Variants in RBM47 observed in about 807,000 individuals in gnomAD.
RBM47 encodes RNA binding motif protein 47.
Under a neutral mutation model 47.1 loss-of-function variants are expected in RBM47, and 21 were observed. That is an observed-to-expected ratio of 0.45 (90% confidence interval 0.32 to 0.64). The LOEUF is 0.64. Ranked by LOEUF, RBM47 falls within the 30% of genes least tolerant of loss-of-function variation. The pLI, the probability that RBM47 is intolerant of heterozygous loss-of-function variation, is 0.05. For missense variants in RBM47, 708 were observed against 870.9 expected (o/e 0.81, Z 2.35); for synonymous variants, 375 against 361.7 (o/e 1.04, Z -0.42).
At chr4:40,569,046 GACAGATAGAT>G (rs1731419631) in intron 1 of RBM47, among the ~76,000 whole-genome samples, 1 of 149,140 alleles carries the variant, frequency 6.7e-6, no homozygotes, top group Non-Finnish European at 1.5e-5. Flanking sequence ...CAGACAGACA[GACAGATAGAT>G]AGATAGTATA....
At chr4:40,457,597 A>AT (rs1048888946) in intron 3 of RBM47, among the ~76,000 whole-genome samples, 8 of 150,918 alleles carry the variant, frequency 5.3e-5, no homozygotes, top group South Asian at 2.1e-4. Flanking sequence ...CGCCCAGCTA[A>AT]TTTTTTTTTG....
intron 2 of RBM47, among the ~76,000 whole-genome samples, chr4:40,468,947 G>A (rs2154234995): frequency 6.6e-6 from 1 of 152,284 alleles, no homozygotes; most frequent in Non-Finnish European, 1.5e-5. Context: ...GAAATTAATT[G>A]TACACTGTCT....
intron 1 of RBM47, among the ~76,000 whole-genome samples, chr4:40,599,812 T>C (rs889305903): frequency 6.6e-6 from 1 of 151,630 alleles, no homozygotes; most frequent in Admixed American, 6.6e-5. Flanking sequence ...GTAATGCACA[T>C]GTAGCAGAAT....
chr4:40,473,704 A>G (rs1195025072), intron 2 of RBM47, among the ~76,000 whole-genome samples: 4 of 152,220 alleles, frequency 2.6e-5, no homozygotes, highest in African/African-American at 4.8e-5. Flanking sequence ...TTAAAAAACT[A>G]TCACACTTTA....
chr4:40,575,950 G>A (rs1732255645), intron 1 of RBM47, among the ~76,000 whole-genome samples: 1 of 152,216 alleles, frequency 6.6e-6, no homozygotes, highest in Admixed American at 6.5e-5. Context: ...AGGAAGCCCA[G>A]AAGAAATGGG....
At chr4:40,471,395 C>T (rs1333125006) in intron 2 of RBM47, among the ~76,000 whole-genome samples, 1 of 151,942 alleles carries the variant, frequency 6.6e-6, no homozygotes, top group Admixed American at 6.6e-5. Flanking sequence ...GCAAAGGGAC[C>T]GTTTAAAAAA....
intron 1 of RBM47, among the ~76,000 whole-genome samples, chr4:40,602,670 A>G (rs920414033): frequency 1.3e-5 from 2 of 151,120 alleles, no homozygotes; most frequent in African/African-American, 2.4e-5. Flanking sequence ...AAAAAGGAAT[A>G]TCATAAATCT....
chr4:40,506,504 A>G (rs911332171), intron 2 of RBM47, among the ~76,000 whole-genome samples: 2 of 152,220 alleles, frequency 1.3e-5, no homozygotes, highest in African/African-American at 2.4e-5. Flanking sequence ...TGGAAAAGGT[A>G]AAAGTTCTAT....
chr4:40,629,356 A>G (rs2154283008), intron 1 of RBM47, 40 bp downstream of exon 1: 1 of 152,338 alleles, frequency 6.6e-6, no homozygotes, highest in South Asian at 2.1e-4. Context: ...ATGTAAGATT[A>G]AGGGACAATA....
chr4:40,576,260 G>GGGGGC (rs1560481060), intron 1 of RBM47, among the ~76,000 whole-genome samples: 7 of 138,698 alleles, frequency 5.0e-5, no homozygotes, highest in African/African-American at 1.8e-4. Flanking sequence ...TTTTTTTGGG[G>GGGGGC]GGGGGCGGAG....
At chr4:40,573,783 A>AAG (rs1198438346) in intron 1 of RBM47, among the ~76,000 whole-genome samples, 6 of 126,194 alleles carry the variant, frequency 4.8e-5, no homozygotes, top group Admixed American at 2.4e-4. Flanking sequence ...GAAAGAAAGA[A>AAG]AGAGAGAGAG....
intron 2 of RBM47, among the ~76,000 whole-genome samples, chr4:40,489,351 G>A (rs375216641): frequency 2.0e-5 from 3 of 152,044 alleles, no homozygotes; most frequent in Admixed American, 6.6e-5. Context: ...AAGCAAATAC[G>A]GACTATAAAA....
chr4:40,613,903 G>C (rs925187661), intron 1 of RBM47, among the ~76,000 whole-genome samples: 1 of 151,746 alleles, frequency 6.6e-6, no homozygotes, highest in Non-Finnish European at 1.5e-5. Context: ...ATAATTCTTT[G>C]TTTTGAGTGG....
chr4:40,457,194 C>T (rs1370244406), intron 3 of RBM47, among the ~76,000 whole-genome samples: 3 of 151,048 alleles, frequency 2.0e-5, no homozygotes, highest in East Asian at 2.0e-4. Flanking sequence ...CCAAGTGGAG[C>T]GGATCACCTG....
intron 1 of RBM47, among the ~76,000 whole-genome samples, chr4:40,558,040 G>T (rs970471340): frequency 2.6e-5 from 4 of 152,154 alleles, no homozygotes; most frequent in Non-Finnish European, 4.4e-5. Flanking sequence ...ACATCGTCCT[G>T]AATTCCTCAA....
chr4:40,561,549 T>A (rs6843573), intron 1 of RBM47, among the ~76,000 whole-genome samples: 1 of 111,044 alleles, frequency 9.0e-6, no homozygotes, highest in East Asian at 2.8e-4. Context: ...CTTTTCTTTT[T>A]TTTTTCTTTT....
intron 2 of RBM47, among the ~76,000 whole-genome samples, chr4:40,503,480 T>G (rs1723675250): frequency 6.6e-6 from 1 of 152,064 alleles, no homozygotes. Context: ...GTTTGAGAAG[T>G]GCTACTAGCG....
At chr4:40,450,722 A>T (rs1040245403) in intron 3 of RBM47, among the ~76,000 whole-genome samples, 4 of 152,190 alleles carry the variant, frequency 2.6e-5, no homozygotes, top group Non-Finnish European at 5.9e-5. Flanking sequence ...AGCCCTATTG[A>T]TATTTGTGAT....
At chr4:40,550,072 G>C (rs1254222590) in intron 1 of RBM47, among the ~76,000 whole-genome samples, 2 of 152,182 alleles carry the variant, frequency 1.3e-5, no homozygotes, top group Non-Finnish European at 2.9e-5. Context: ...TTAGCCAGAG[G>C]ATAACCACCA....
Sources: allele counts gnomAD v4.1 joint callset (sites outside exome capture counted in the v4.1 genomes callset), GRCh38; gene constraint gnomAD v4.1.1; transcripts MANE v1.5; gene names NCBI Gene and HGNC (gene_info 2026-07-23, HGNC 2026-07-21).